The following SOX5 variants were observed in gnomAD, a reference collection of about 807,000 sequenced individuals.
SOX5 encodes the protein SRY-box transcription factor 5, also known as transcription factor SOX-5.
A neutral mutation model predicts 92.0 loss-of-function variants in SOX5; 9 were observed. That is an observed-to-expected ratio of 0.10 (90% CI 0.06 to 0.17). The LOEUF (loss-of-function observed/expected upper bound fraction) is 0.17. SOX5 is among the 10% of genes least tolerant of loss of function. SOX5 has a pLI of 1.00. For missense variants in SOX5, 642 were observed against 944.5 expected (o/e 0.68, Z 4.20); for synonymous variants, 344 against 336.3 (o/e 1.02, Z -0.25).
At chr12:23,965,523 C>T (rs948530854) in intron 4 of SOX5, among the ~76,000 whole-genome samples, 8 of 152,162 alleles carry the variant, frequency 5.3e-5, no homozygotes, top group Non-Finnish European at 1.2e-4. Context: ...TAGTGCTTCC[C>T]ATCCTCTTGT....
intron 3 of SOX5, among the ~76,000 whole-genome samples, chr12:24,218,591 A>T (rs1388777581): frequency 1.3e-5 from 2 of 152,162 alleles, no homozygotes; most frequent in African/African-American, 2.4e-5. Flanking sequence ...TCACTAAAAA[A>T]CATTGACATG....
intron 3 of SOX5, among the ~76,000 whole-genome samples, chr12:23,818,392 T>C (rs948621012): frequency 6.6e-6 from 1 of 152,126 alleles, no homozygotes; most frequent in Non-Finnish European, 1.5e-5. Flanking sequence ...ACAGAAAAGA[T>C]ACAGTAGAAA....
intron 1 of SOX5, among the ~76,000 whole-genome samples, chr12:24,429,134 G>A (rs889812490): frequency 1.3e-5 from 2 of 151,940 alleles, no homozygotes; most frequent in Admixed American, 1.3e-4. Context: ...TGGCTAACAC[G>A]GTGAAACCCT....
intron 9 of SOX5, among the ~76,000 whole-genome samples, chr12:23,577,264 G>A (rs754380567): frequency 1.4e-5 from 2 of 139,132 alleles, no homozygotes; most frequent in Non-Finnish European, 3.0e-5. Context: ...GTGCAATCTC[G>A]GCTCATCGTG....
chr12:24,111,160 C>A (rs1947306504), intron 4 of SOX5, among the ~76,000 whole-genome samples: 1 of 151,936 alleles, frequency 6.6e-6, no homozygotes, highest in African/African-American at 2.4e-5. Flanking sequence ...CCAAATGTCC[C>A]ACGGGAGGTA....
At chr12:23,814,257 T>C (rs904288851) in intron 3 of SOX5, among the ~76,000 whole-genome samples, 1 of 152,180 alleles carries the variant, frequency 6.6e-6, no homozygotes, top group Non-Finnish European at 1.5e-5. Context: ...TTGAAATGGA[T>C]TCTCTTGCAT....
chr12:24,236,695 G>C (rs1030006206), intron 3 of SOX5, among the ~76,000 whole-genome samples: 13 of 152,320 alleles, frequency 8.5e-5, no homozygotes, highest in Middle Eastern at 3.4e-3. Context: ...AAAGCACTTG[G>C]TTGGCAATAA....
At chr12:23,570,423 C>T (rs893109509) in intron 10 of SOX5, among the ~76,000 whole-genome samples, 3 of 152,132 alleles carry the variant, frequency 2.0e-5, no homozygotes, top group Admixed American at 6.5e-5. Flanking sequence ...TATTCTTGTT[C>T]ATTCCTTCAA....
intron 4 of SOX5, among the ~76,000 whole-genome samples, chr12:24,207,999 C>T (rs1365457902): frequency 6.6e-6 from 1 of 152,108 alleles, no homozygotes; most frequent in Non-Finnish European, 1.5e-5. Context: ...AAACAAACTG[C>T]TTTTTGTGAT....
chr12:24,407,598 G>A (rs1566090282), intron 1 of SOX5: 2 of 152,208 alleles, frequency 1.3e-5, no homozygotes, highest in African/African-American at 2.4e-5. Flanking sequence ...GTCATTTATA[G>A]GCAGATTCAT....
intron 4 of SOX5, among the ~76,000 whole-genome samples, chr12:23,963,637 A>G (rs35492132): frequency 0.071 from 10,786 of 152,108 alleles, 532 homozygotes; most frequent in Non-Finnish European, 0.11. Flanking sequence ...AGTCTAGCAT[A>G]CATGCATGCA....
At chr12:24,402,160 G>A (rs1487851209) in intron 1 of SOX5, among the ~76,000 whole-genome samples, 3 of 152,156 alleles carry the variant, frequency 2.0e-5, no homozygotes, top group South Asian at 4.1e-4. Context: ...CCCAATGTTA[G>A]TGGGAGTATG....
chr12:24,122,826 C>T (rs1378494089), intron 4 of SOX5, among the ~76,000 whole-genome samples: 1 of 151,946 alleles, frequency 6.6e-6, no homozygotes, highest in Non-Finnish European at 1.5e-5. Flanking sequence ...TAGAGGTCAG[C>T]AGAACATAAC....
chr12:24,342,223 T>G (rs1952659387), intron 2 of SOX5, among the ~76,000 whole-genome samples: 1 of 152,322 alleles, frequency 6.6e-6, no homozygotes, highest in Non-Finnish European at 1.5e-5. Flanking sequence ...ACACCAGAAA[T>G]GAAATGTTTC....
chr12:24,044,880 T>G (rs530899285), intron 4 of SOX5, among the ~76,000 whole-genome samples: 1 of 152,318 alleles, frequency 6.6e-6, no homozygotes, highest in East Asian at 1.9e-4. Flanking sequence ...CTTACCATCT[T>G]AGAAGAGCCT....
intron 1 of SOX5, among the ~76,000 whole-genome samples, chr12:24,535,192 T>G (rs1951530182): frequency 6.6e-6 from 1 of 152,188 alleles, no homozygotes; most frequent in Non-Finnish European, 1.5e-5. Context: ...TTACTGGGAA[T>G]TTAGCCTATG....
Position 23,728,926 on chromosome 12 carries a change from T to C in SOX5, c.810+5758A>G, listed in dbSNP as rs2093278401. On this transcript the variant is annotated intron_variant, in intron 6 of 14. Coordinates refer to ENST00000451604, the MANE Select transcript of SOX5 (RefSeq NM_006940.6). The stretch of plus-strand genomic sequence containing the variant: ...AGTTTACAAATGTCAAAATGAGAGA[T>C]AGGTCTAAATAAAGCCTTTCTAAAA... Among the ~76,000 whole-genome samples, 3 of 152,272 alleles carry C rather than the reference T, an allele frequency of 2.0e-5. 1 individual carries two copies. The South Asian group carries it at 6.2e-4, about 32-fold the overall frequency.
At chr12:24,500,905 T>C (rs1948131054) in intron 1 of SOX5, among the ~76,000 whole-genome samples, 1 of 152,186 alleles carries the variant, frequency 6.6e-6, no homozygotes, top group Admixed American at 6.5e-5. Context: ...GGTTATCTAT[T>C]TTCTAGAAAA....
rs572928804 is a variant in SOX5, at chr12:24,025,472, A to G, written c.-1-129448T>C. Among the ~76,000 whole-genome samples the G allele has an allele frequency of 1.1e-4, 16 of 152,200 alleles. No homozygotes were observed. In the South Asian group the frequency reaches 2.3e-3, roughly 22 times the overall value. On this transcript the variant is annotated intron_variant, in intron 4 of 4. Transcript: ENST00000446891. ...AACATCTCCATTTCTACTTTTTAAC[A>G]TAAGAAATTTGCTAGCAGTTTTCCC...
Sources: gnomAD v4.1 joint callset for allele counts (sites outside exome capture counted in the v4.1 genomes callset) on GRCh38, gnomAD v4.1.1 for gene constraint, MANE v1.5 for transcripts, NCBI Gene and HGNC (gene_info 2026-07-23, HGNC 2026-07-21) for gene names.